PCDHGA7: variants seen among roughly 807,000 people sequenced by gnomAD.
The protein encoded by PCDHGA7 is protocadherin gamma-A7.
Under a neutral mutation model 58.3 loss-of-function variants are expected in PCDHGA7, and 44 were observed. That is an observed-to-expected ratio of 0.75 (90% confidence interval 0.59 to 0.97). The LOEUF is 0.97. Ranked by LOEUF, PCDHGA7 falls within the 50% of genes least tolerant of loss-of-function variation. The pLI, the probability that PCDHGA7 is intolerant of heterozygous loss-of-function variation, is 0.00. For synonymous variants in PCDHGA7, 516 were observed against 504.2 expected, an observed-to-expected ratio of 1.02 and a Z score of -0.31; for missense variants, 1,266 against 1,188.7, an observed-to-expected ratio of 1.06 and a Z score of -0.96.
In PCDHGA7 at chr5:141,511,197, C is replaced by A; in HGVS notation, c.*24C>A. 1 of 1,613,140 alleles carries A rather than the reference C, an allele frequency of 6.2e-7. No individual in the cohort carries two copies. Among genetic ancestry groups the A allele is most frequent in the Non-Finnish European group, 8.5e-7 (1 of 1,179,524 alleles). Reference sequence around the variant, plus strand: ...AACATGGAGGCCAGGCCAAGAGCCACAGGGCGGCCTCTCCCCAACCAGCCC... The same window carrying A: ...AACATGGAGGCCAGGCCAAGAGCCAAAGGGCGGCCTCTCCCCAACCAGCCC... On this transcript the variant is annotated 3_prime_UTR_variant, in exon 4 of 4. Transcript: ENST00000518325.
chr5:141,393,304 T>A, intron 1 of PCDHGA7: 1 of 1,613,798 alleles, frequency 6.2e-7, no homozygotes, highest in African/African-American at 1.3e-5. Flanking sequence ...GATGTGGGCG[T>A]GAACTCCCTC....
In PCDHGA7 at chr5:141,382,962, G is replaced by C; in HGVS notation, c.63G>C (p.Gly21=). The change falls in exon 1 of 4, where the codon GGG becomes GGC. Residue 21 remains glycine (G), a synonymous_variant. Coordinates refer to ENST00000518325, the MANE Select transcript of PCDHGA7 (RefSeq NM_018920.4). ...RGFFLLSILL[G]TPWEAWAGRI... ...TCTTCCTGCTCTCCATCCTCCTGGGGACCCCCTGGGAAGCCTGGGCAGGAC... is the reference window on the plus strand; with the variant it reads ...TCTTCCTGCTCTCCATCCTCCTGGGCACCCCCTGGGAAGCCTGGGCAGGAC... 1 of 1,607,858 alleles carries C rather than the reference G, an allele frequency of 6.2e-7. No individual in the cohort carries two copies. Among genetic ancestry groups the C allele is most frequent in the Admixed American group, 1.7e-5 (1 of 59,714 alleles).
At position 141,404,503 on chromosome 5, in the gene PCDHGA7, G is replaced by A. The variant is rs771196227; in HGVS notation, c.2424+19180G>A. 8 of 1,613,720 alleles carry A rather than the reference G, an allele frequency of 5.0e-6. No homozygotes were observed. In the East Asian group the frequency reaches 1.8e-4, roughly 36 times the overall value. On this transcript the variant is annotated intron_variant, in intron 1 of 3. Coordinates refer to ENST00000518325, the MANE Select transcript of PCDHGA7 (RefSeq NM_018920.4). Reference sequence around the variant, plus strand: ...CAGACACTGGTGTGCTGTATGCTCTGTGCTCCTTTGACTATGAGCAGTTTA... The same window carrying A: ...CAGACACTGGTGTGCTGTATGCTCTATGCTCCTTTGACTATGAGCAGTTTA...
intron 1 of PCDHGA7, among the ~76,000 whole-genome samples, chr5:141,468,079 C>A (rs2099157359): frequency 6.6e-6 from 1 of 151,986 alleles, no homozygotes; most frequent in African/African-American, 2.4e-5. Context: ...AATCCCAGCA[C>A]TTTGGGAGGT....
chr5:141,390,537 A>G (rs565157857), intron 1 of PCDHGA7: 629 of 520,554 alleles, frequency 1.2e-3, no homozygotes, highest in Non-Finnish European at 1.9e-3. Context: ...GGTTTTAACC[A>G]CAAAGTGAAA....
In PCDHGA7 at chr5:141,383,599, G is replaced by C; in HGVS notation, c.700G>C (p.Asp234His). 1 of 1,613,742 alleles carries C rather than the reference G, an allele frequency of 6.2e-7. No homozygotes were observed. Residue 234 changes from aspartate (D) to histidine (H), a missense_variant, in exon 1 of 4, where the codon GAT (aspartate) becomes CAT (histidine). Transcript: ENST00000518325. The part of the protein sequence containing the change: ...STAHIQVTVV[D>H]VNDHTPVFSL... ...CGCCCACATCCAGGTGACAGTGGTG[G>C]ATGTGAATGACCACACGCCTGTCTT...
rs1337141924 is a variant in PCDHGA7, at chr5:141,512,916, CTAATATT to C, written c.*1746_*1752del. On this transcript the variant is annotated 3_prime_UTR_variant, in exon 4 of 4. Coordinates refer to ENST00000518325, the MANE Select transcript of PCDHGA7 (RefSeq NM_018920.4). The stretch of plus-strand genomic sequence containing the variant: ...CTGTGTCTCACGCAAGTTTTATACT[CTAATATT>C]TATATGGCTTTTTTTCTTCGACAAA... The C allele has an allele frequency of 1.3e-5, 2 of 152,206 alleles. No homozygotes were observed. Among genetic ancestry groups the C allele is most frequent in the Non-Finnish European group, 2.9e-5 (2 of 68,046 alleles). The allele number at this position is 152,206 out of a possible 1,614,324, so 9.4% of individuals were successfully genotyped here.
At chr5:141,450,810 AT>A (rs755484062) in intron 1 of PCDHGA7, among the ~76,000 whole-genome samples, 1 of 136,728 alleles carries the variant, frequency 7.3e-6, no homozygotes, top group Admixed American at 7.3e-5. Context: ...TTATTTATTT[AT>A]TTAATATTAT....
chr5:141,499,223 C>T (rs1478344280), intron 2 of PCDHGA7, among the ~76,000 whole-genome samples: 2 of 152,112 alleles, frequency 1.3e-5, no homozygotes, highest in African/African-American at 4.8e-5. Context: ...CCCTGCCCTG[C>T]AGCTGTCCCC....
At chr5:141,405,173 G>A (rs774181376) in intron 1 of PCDHGA7, 1 of 1,614,122 alleles carries the variant, frequency 6.2e-7, no homozygotes, top group Non-Finnish European at 8.5e-7. Context: ...CTCACACTTT[G>A]TGGGTGTAGA....
At position 141,432,644 on chromosome 5, in the gene PCDHGA7, G is replaced by A; in HGVS notation, c.2424+47321G>A. The A allele has an allele frequency of 1.2e-6, 2 of 1,613,812 alleles. No homozygotes were observed. The highest frequency in any genetic ancestry group is 1.7e-6 in the Non-Finnish European group (2 of 1,179,942). ...TCTGCACACGGGCGAGGTGCGCACG[G>A]CGCGAGCCCTGCTGGACAGAGACGC... On this transcript the variant is annotated intron_variant, in intron 1 of 3. Coordinates refer to ENST00000518325, the MANE Select transcript of PCDHGA7 (RefSeq NM_018920.4). The surrounding 1 kb of genome is among the most constrained non-coding windows in gnomAD (Gnocchi z 6.0).
intron 1 of PCDHGA7, chr5:141,422,658 C>T (rs2096662185): frequency 6.2e-7 from 1 of 1,609,912 alleles, no homozygotes; most frequent in Non-Finnish European, 8.5e-7. Context: ...CAGTGACCGC[C>T]CTCGACCCGG....
chr5:141,432,172 CGTCTCTGTGACCGCCCACGACCCCGA>C lies in PCDHGA7; in HGVS notation c.2424+46850_2424+46875del. 6.2e-7 allele frequency: 1 copy of C among 1,614,152 alleles called. No individual in the cohort carries two copies. Among genetic ancestry groups the C allele is most frequent in the Non-Finnish European group, 8.5e-7 (1 of 1,180,038 alleles). ...AGAACAATCCCAGAGGAGTTTCCCT[CGTCTCTGTGACCGCCCACGACCCCGA>C]CTGTGAAGAGAACGCCCAGATCACT... On this transcript the variant is annotated intron_variant, in intron 1 of 3. Transcript: ENST00000518325. The surrounding 1 kb of genome is among the most constrained non-coding windows in gnomAD (Gnocchi z 6.0).
Position 141,491,498 on chromosome 5 carries a change from C to G in PCDHGA7, c.2425-3309C>G. Reference sequence around the variant, plus strand: ...TCCAGCCCCAACCTGCAGGTGAGCTCGGACGGCACGCTCAAGTACATGGAG... The same window carrying G: ...TCCAGCCCCAACCTGCAGGTGAGCTGGGACGGCACGCTCAAGTACATGGAG... On this transcript the variant is annotated intron_variant, in intron 1 of 3. Transcript: ENST00000518325. The surrounding 1 kb of genome is among the most constrained non-coding windows in gnomAD (Gnocchi z 6.9). The G allele has an allele frequency of 6.2e-7, 1 of 1,614,102 alleles. No homozygotes were observed. Among genetic ancestry groups the G allele is most frequent in the Non-Finnish European group, 8.5e-7 (1 of 1,180,018 alleles).
intron 1 of PCDHGA7, among the ~76,000 whole-genome samples, chr5:141,438,511 C>G (rs1436337566): frequency 6.8e-6 from 1 of 146,550 alleles, no homozygotes; most frequent in Non-Finnish European, 1.5e-5. Context: ...AGTGCAAAAC[C>G]AATTATTTTA....
In PCDHGA7 at chr5:141,485,111, G is replaced by C. The variant is rs2099607127; in HGVS notation, c.2425-9696G>C. On this transcript the variant is annotated intron_variant, in intron 1 of 3. Coordinates refer to ENST00000518325, the MANE Select transcript of PCDHGA7 (RefSeq NM_018920.4). The surrounding 1 kb of genome is among the most constrained non-coding windows in gnomAD (Gnocchi z 5.7). The stretch of plus-strand genomic sequence containing the variant: ...ATAGGTGTCTCCAGCTGCTGTGGCT[G>C]TTTGGGGCGGGTCGGCTTCATCCGC... 5.4e-6 allele frequency: 7 copies of C among 1,287,562 alleles called. No individual in the cohort carries two copies. The highest frequency in any genetic ancestry group is 7.8e-6 in the Non-Finnish European group (7 of 899,436). 79.8% of individuals were successfully genotyped at this position (1,287,562 alleles called of 1,614,324 possible). A position where few individuals can be genotyped will look rare whatever the true frequency, so the allele number is the denominator to read the frequency against.
chr5:141,507,631 C>A (rs1435446169), intron 3 of PCDHGA7, among the ~76,000 whole-genome samples: 1 of 152,236 alleles, frequency 6.6e-6, no homozygotes, highest in Non-Finnish European at 1.5e-5. Context: ...TGTGGCCTTG[C>A]GCCCTGAGGC....
At chr5:141,483,937 C>T (rs964918788) in intron 1 of PCDHGA7, among the ~76,000 whole-genome samples, 1 of 130,444 alleles carries the variant, frequency 7.7e-6, no homozygotes, top group African/African-American at 2.9e-5. Flanking sequence ...TAGGTACCTA[C>T]GGTGTGAATT....
chr5:141,427,671 A>T (rs1441504057), intron 1 of PCDHGA7: 1 of 798,486 alleles, frequency 1.3e-6, no homozygotes, highest in East Asian at 2.6e-5. Flanking sequence ...GGCCGAAAAC[A>T]ACCTTCCCGG....
Sources: allele counts gnomAD v4.1 joint callset (sites outside exome capture counted in the v4.1 genomes callset), GRCh38; gene constraint gnomAD v4.1.1; non-coding constraint Gnocchi (gnomAD v3.1); transcripts MANE v1.5; gene names NCBI Gene and HGNC (gene_info 2026-07-23, HGNC 2026-07-21).